The following SPAG5 variants were observed in gnomAD, a reference collection of about 807,000 sequenced individuals.
The protein encoded by SPAG5 is sperm associated antigen 5, also known as sperm-associated antigen 5.
Under a neutral mutation model 145.4 loss-of-function variants are expected in SPAG5, and 99 were observed. That is an observed-to-expected ratio of 0.68 (90% CI 0.58 to 0.80). SPAG5 has a LOEUF of 0.80. Among genes scored for constraint, SPAG5 ranks in the 30% least tolerant of loss-of-function variants. The probability of loss-of-function intolerance (pLI) is 0.00; values close to 1 mark genes in which losing one functional copy is unlikely to be tolerated. For synonymous variants in SPAG5, 477 were observed against 525.4 expected (o/e 0.91, Z 1.26); for missense variants, 1,192 against 1,416.0 (o/e 0.84, Z 2.54).
rs1209468858 is a variant in SPAG5 at position 28,586,478 on chromosome 17, G to A, written c.1459C>T (p.Leu487Phe). The A allele has an allele frequency of 2.5e-6, 4 of 1,613,732 alleles. No homozygotes were observed. In the African/African-American group the frequency reaches 4.0e-5, roughly 16 times the overall value. The change falls in exon 5 of 24, where the codon CTT becomes TTT. Residue 487 changes from leucine to phenylalanine, a missense_variant. By Grantham distance (22) the Leu-to-Phe change is conservative. This residue lies in a region of SPAG5 where 709 missense variants were observed against 840.7 expected (regional missense o/e 0.84). Coordinates refer to ENST00000321765, the MANE Select transcript of SPAG5 (RefSeq NM_006461.4). Reference sequence around the variant, plus strand: ...TGTCCCATCTCATGGCTCTCCTTAAGATGCTGAAGTTTATTAGTTATCTAG... The same window carrying A: ...TGTCCCATCTCATGGCTCTCCTTAAAATGCTGAAGTTTATTAGTTATCTAG... ...HSGITNKLQH[L>F]KESHEMGQAL... is the part of the protein sequence containing the mutation.
intron 19 of SPAG5, 134 bp downstream of exon 19, chr17:28,579,007 C>T: frequency 2.6e-6 from 2 of 764,242 alleles, no homozygotes; most frequent in Non-Finnish European, 4.3e-6. Flanking sequence ...AAATGTCTGA[C>T]CCCAGGAAGG....
Position 28,584,492 on chromosome 17 carries a change from G to T in SPAG5, c.2162-12C>A. On this transcript the variant is annotated splice_polypyrimidine_tract_variant and intron_variant, in intron 11 of 23. Transcript: ENST00000321765. Reference sequence around the variant, plus strand: ...CTGAGCCCGGAGATCTAGAACAAAAGTATCCTAATGACACCATGCGGTCAG... The same window carrying T: ...CTGAGCCCGGAGATCTAGAACAAAATTATCCTAATGACACCATGCGGTCAG... 1.2e-6 allele frequency: 2 copies of T among 1,613,418 alleles called. No homozygotes were observed. Among genetic ancestry groups the T allele is most frequent in the Non-Finnish European group, 8.5e-7 (1 of 1,180,030 alleles).
In SPAG5 at chr17:28,583,588, A is replaced by G; in HGVS notation, c.2608T>C (p.Tyr870His). 3 of 1,613,840 alleles carry G rather than the reference A, an allele frequency of 1.9e-6. No homozygotes were observed. The highest frequency in any genetic ancestry group is 2.5e-6 in the Non-Finnish European group (3 of 1,179,914). ...GTCAGCAGCCCTAGCTTTTGAGAGT[A>G]CTGCCGTGTTTTCTCCAGATCTTGC... ...QEQDLEKTRQ[Y>H]SQKLGLLTEQ... The change falls in exon 15 of 24, where the codon TAC (tyrosine) becomes CAC (histidine). Residue 870 changes from tyrosine (Y) to histidine (H), a missense_variant. Physicochemically the swap from Tyr to His is moderately conservative, Grantham distance 83. Transcript: ENST00000321765.
At chr17:28,586,281 G>C in intron 5 of SPAG5, 99 bp from the exon 6 acceptor site, 1 of 1,229,080 alleles carries the variant, frequency 8.1e-7, no homozygotes, top group Non-Finnish European at 1.2e-6. Context: ...TCCAAGCTCC[G>C]CATAAGGAGA....
intron 2 of SPAG5, among the ~76,000 whole-genome samples, chr17:28,596,548 A>T (rs1184749018): frequency 6.6e-6 from 1 of 151,854 alleles, no homozygotes; most frequent in East Asian, 2.0e-4. Flanking sequence ...CGTGCCTATA[A>T]TCCCAGCTAC....
intron 2 of SPAG5, among the ~76,000 whole-genome samples, chr17:28,595,673 C>T (rs1027117365): frequency 2.0e-5 from 3 of 150,246 alleles, no homozygotes; most frequent in Middle Eastern, 3.5e-3. Context: ...TGCTTGAACC[C>T]GGGAAGCAGA....
intron 2 of SPAG5, among the ~76,000 whole-genome samples, chr17:28,595,201 T>G (rs1457245317): frequency 6.9e-6 from 1 of 145,308 alleles, no homozygotes; most frequent in Non-Finnish European, 1.5e-5. Context: ...GAGGTTGCAG[T>G]GAGCCAAGAT....
rs374860236 is a variant in SPAG5, at chr17:28,598,558, G to C, written c.129C>G (p.Ser43=). 3.2e-5 allele frequency: 51 copies of C among 1,613,836 alleles called. No homozygotes were observed. The highest frequency in any genetic ancestry group is 4.2e-5 in the Non-Finnish European group (49 of 1,179,944). The stretch of plus-strand genomic sequence containing the variant: ...ATGGGGTCAGCGAGGAGCAAGCGGG[G>C]GATCTTTTTCCAGAGTTGGTGAGGG... ...PGALTNSGKR[S]PACSSLTPSL... is the part of the protein sequence containing the mutation. Residue 43 remains serine, a synonymous_variant, in exon 2 of 24, where the codon TCC becomes TCG. Transcript: ENST00000321765.
In SPAG5 at chr17:28,584,629, TACAC is replaced by T. The variant is rs112114466; in HGVS notation, c.2161+19_2161+22del. The T allele has an allele frequency of 1.7e-5, 27 of 1,546,040 alleles. No individual in the cohort carries two copies. Among genetic ancestry groups the T allele is most frequent in the Non-Finnish European group, 2.2e-5 (25 of 1,124,806 alleles). On this transcript the variant is annotated intron_variant, in intron 11 of 23. Coordinates refer to ENST00000321765, the MANE Select transcript of SPAG5 (RefSeq NM_006461.4). ...GGGCTCAAATGCTTACATGCATGCA[TACAC>T]ACACACACACACAAACACCTGTTGC...
intron 5 of SPAG5, 83 bp downstream of exon 5, chr17:28,586,342 C>T: frequency 7.9e-7 from 1 of 1,263,222 alleles, no homozygotes; most frequent in Admixed American, 1.7e-5. Flanking sequence ...GACTTAGTAT[C>T]ACCATCTACT....
chr17:28,583,803 G>A (rs1439554422), intron 14 of SPAG5, 50 bp downstream of exon 14: 2 of 1,578,026 alleles, frequency 1.3e-6, no homozygotes, highest in Non-Finnish European at 1.7e-6. Context: ...AAGTGTTCCT[G>A]AGAAAAAAAT....
intron 21 of SPAG5, 34 bp downstream of exon 21, chr17:28,578,339 C>T: frequency 6.2e-7 from 1 of 1,614,078 alleles, no homozygotes; most frequent in Non-Finnish European, 8.5e-7. Context: ...GGGTCCCCAC[C>T]TGCTGTCCAG....
chr17:28,582,424 C>G lies in SPAG5; in HGVS notation c.2685+1087G>C, dbSNP rs202058069. Reference sequence around the variant, plus strand: ...CTAGTGGGACTTCCTAAATACCCTCCCCTGCCCCACAAACGTCTAAACCTC... The same window carrying G: ...CTAGTGGGACTTCCTAAATACCCTCGCCTGCCCCACAAACGTCTAAACCTC... On this transcript the variant is annotated intron_variant, in intron 15 of 23. Transcript: ENST00000321765. 2.6e-5 allele frequency among the ~76,000 whole-genome samples: 4 copies of G among 152,288 alleles called. No individual in the cohort carries two copies. The East Asian group carries it at 7.7e-4, about 29-fold the overall frequency.
intron 15 of SPAG5, among the ~76,000 whole-genome samples, chr17:28,581,684 C>T (rs553979439): frequency 6.6e-6 from 1 of 152,206 alleles, no homozygotes; most frequent in East Asian, 1.9e-4. Context: ...TTCTCTGCCC[C>T]CCGGTCTAGG....
intron 23 of SPAG5, 102 bp downstream of exon 23, chr17:28,577,908 C>T: frequency 8.1e-7 from 1 of 1,238,026 alleles, no homozygotes; most frequent in Non-Finnish European, 1.2e-6. Context: ...TCAGGCCCAG[C>T]TCTCAGCACA....
At chr17:28,580,896 G>C (rs2070545458) in intron 15 of SPAG5, 1 of 152,188 alleles carries the variant, frequency 6.6e-6, no homozygotes, top group Non-Finnish European at 1.5e-5. Flanking sequence ...CCAGTCTGCA[G>C]ACTCAAAGGC....
rs908877878 is a variant in SPAG5 at position 28,584,506 on chromosome 17, C to A, written c.2162-26G>T. The A allele has an allele frequency of 1.4e-5, 23 of 1,613,270 alleles. No individual in the cohort carries two copies. In the East Asian group the frequency reaches 5.1e-4, roughly 36 times the overall value. On this transcript the variant is annotated intron_variant, in intron 11 of 23. Transcript: ENST00000321765. ...CTAGAACAAAAGTATCCTAATGACACCATGCGGTCAGCAGGCTAGAAACTC... is the reference window on the plus strand; with the variant it reads ...CTAGAACAAAAGTATCCTAATGACAACATGCGGTCAGCAGGCTAGAAACTC...
intron 4 of SPAG5, among the ~76,000 whole-genome samples, chr17:28,587,776 T>A (rs2151521526): frequency 6.7e-6 from 1 of 148,518 alleles, no homozygotes; most frequent in Non-Finnish European, 1.5e-5. Flanking sequence ...ATAAATAGAG[T>A]ATGCTTACCA....
chr17:28,589,595 G>A (rs535278446), intron 4 of SPAG5, among the ~76,000 whole-genome samples: 184 of 152,090 alleles, frequency 1.2e-3, no homozygotes, highest in African/African-American at 4.3e-3. Flanking sequence ...TCAGCCTAAT[G>A]TAATATATTT....
Sources: allele counts gnomAD v4.1 joint callset (sites outside exome capture counted in the v4.1 genomes callset), GRCh38; gene constraint gnomAD v4.1.1; regional missense constraint gnomAD v4.1.1; transcripts MANE v1.5; gene names NCBI Gene and HGNC (gene_info 2026-07-23, HGNC 2026-07-21).